The following MYCBP2 variants were observed in gnomAD, a reference collection of about 807,000 sequenced individuals.
MYCBP2 encodes the protein E3 ubiquitin-protein ligase MYCBP2.
A neutral mutation model predicts 525.3 loss-of-function variants in MYCBP2; 120 were observed. That is an observed-to-expected ratio of 0.23 (90% confidence interval 0.20 to 0.27). MYCBP2 has a LOEUF of 0.27. Ranked by LOEUF, MYCBP2 falls within the 10% of genes least tolerant of loss-of-function variation. The probability of loss-of-function intolerance (pLI) is 1.00; values close to 1 mark genes in which losing one functional copy is unlikely to be tolerated. For synonymous variants in MYCBP2, 1,894 were observed against 1,955.8 expected, an observed-to-expected ratio of 0.97 and a Z score of 0.83; for missense variants, 4,149 against 5,657.1, an observed-to-expected ratio of 0.73 and a Z score of 8.55.
intron 17 of MYCBP2, among the ~76,000 whole-genome samples, chr13:77,234,670 T>C (rs2067628014): frequency 6.6e-6 from 1 of 151,908 alleles, no homozygotes; most frequent in Non-Finnish European, 1.5e-5. Context: ...GTAAACTGAG[T>C]TCCATTTCTA....
At position 77,078,870 on chromosome 13, in the gene MYCBP2, G is replaced by T. The variant is rs2042802601; in HGVS notation, c.11438C>A (p.Thr3813Asn). 3 of 1,613,340 alleles carry T rather than the reference G, an allele frequency of 1.9e-6. No individual in the cohort carries two copies. The highest frequency in any genetic ancestry group is 1.7e-6 in the Non-Finnish European group (2 of 1,179,470). ...RDLGNKVTSM[T>N]FLTGKAVEDL... ...TTCTACTGCTTTGCCAGTTAAGAAG[G>T]TCATTGAGGTAACTTTATTCTGAAA... The change falls in exon 66 of 83, where the codon ACC becomes AAC. Residue 3813 changes from threonine (T) to asparagine (N), a missense_variant. Coordinates refer to ENST00000544440, the MANE Select transcript of MYCBP2 (RefSeq NM_015057.5).
chr13:77,299,495 G>C (rs967095051), intron 1 of MYCBP2, among the ~76,000 whole-genome samples: 5 of 152,088 alleles, frequency 3.3e-5, no homozygotes, highest in East Asian at 1.9e-4. Context: ...TTTTCTAAAA[G>C]AGCCAGTAAT....
chr13:77,082,065 G>T, intron 63 of MYCBP2, 72 bp from the exon 64 acceptor site: 1 of 1,294,214 alleles, frequency 7.7e-7, no homozygotes. Flanking sequence ...TCTTAGATGA[G>T]TACTCTGTAG....
chr13:77,192,579 A>T (rs996187080), intron 27 of MYCBP2, among the ~76,000 whole-genome samples: 2 of 152,200 alleles, frequency 1.3e-5, no homozygotes, highest in Non-Finnish European at 2.9e-5. Flanking sequence ...GTCATGAAAA[A>T]ATCTGTAGAG....
In MYCBP2 at chr13:77,096,349, T is replaced by G. The variant is rs374161549; in HGVS notation, c.9917A>C (p.Lys3306Thr). Residue 3306 changes from lysine (K) to threonine (T), a missense_variant, in exon 57 of 83, where the codon AAA becomes ACA. Physicochemically the swap from Lys to Thr is moderately conservative, Grantham distance 78. Transcript: ENST00000544440. ...WYLVCDRCREKYLREKQAAAR... is the reference protein window; with the variant it reads ...WYLVCDRCRETYLREKQAAAR... ...AGCAGCCTGTTTTTCGCGGAGGTAT[T>G]TTTCTCTACAGCGATCACATACCAG... The G allele has an allele frequency of 3.0e-5, 48 of 1,613,238 alleles. No individual in the cohort carries two copies. The highest frequency in any genetic ancestry group is 3.9e-5 in the Non-Finnish European group (46 of 1,179,538).
intron 18 of MYCBP2, among the ~76,000 whole-genome samples, chr13:77,231,576 T>C (rs1298226356): frequency 6.6e-6 from 1 of 152,226 alleles, no homozygotes; most frequent in Non-Finnish European, 1.5e-5. Context: ...CCAATCATTA[T>C]GTGACATTGG....
intron 21 of MYCBP2, among the ~76,000 whole-genome samples, chr13:77,217,232 T>A (rs900842282): frequency 6.6e-6 from 1 of 152,192 alleles, no homozygotes; most frequent in African/African-American, 2.4e-5. Context: ...ATTATCCACA[T>A]CTGAAATGGT....
chr13:77,315,894 C>CAAAAA (rs34819956), intron 1 of MYCBP2, among the ~76,000 whole-genome samples: 1 of 94,272 alleles, frequency 1.1e-5, no homozygotes, highest in Non-Finnish European at 2.2e-5. Flanking sequence ...GGCTCTGTCT[C>CAAAAA]AAAAAAAAAA....
chr13:77,138,588 T>C (rs536865936), intron 52 of MYCBP2, among the ~76,000 whole-genome samples: 1 of 152,334 alleles, frequency 6.6e-6, no homozygotes, highest in South Asian at 2.1e-4. Context: ...GTGTGGGTTA[T>C]TATTATACTT....
At chr13:77,322,832 ATTTC>A (rs769868457) in intron 1 of MYCBP2, among the ~76,000 whole-genome samples, 41 of 152,092 alleles carry the variant, frequency 2.7e-4, no homozygotes, top group Non-Finnish European at 1.5e-4. Flanking sequence ...TCCTTCATAC[ATTTC>A]CTGTCCAACC....
At chr13:77,236,541 A>G (rs1236420723) in intron 17 of MYCBP2, among the ~76,000 whole-genome samples, 1 of 152,248 alleles carries the variant, frequency 6.6e-6, no homozygotes, top group Non-Finnish European at 1.5e-5. Flanking sequence ...GGTGTTTACT[A>G]CAACTTTATT....
Position 77,273,499 on chromosome 13 carries a change from A to G in MYCBP2, c.918T>C (p.Asn306=), listed in dbSNP as rs1304778040. 2.5e-6 allele frequency: 4 copies of G among 1,594,220 alleles called. No homozygotes were observed. Among genetic ancestry groups the G allele is most frequent in the Non-Finnish European group, 3.4e-6 (4 of 1,174,598 alleles). Residue 306 remains asparagine (N), a synonymous_variant, in exon 5 of 83, where the codon AAT becomes AAC. Transcript: ENST00000544440. ...LQAISAILTN[N]GSHACQTIQV... ...GAATAGTTTGGCAAGCATGGCTTCC[A>G]TTGTTGGTGAGGATAGCAGAGATGG...
At position 77,169,645 on chromosome 13, in the gene MYCBP2, T is replaced by C. The variant is rs2058942685; in HGVS notation, c.5864A>G (p.Tyr1955Cys). Residue 1955 changes from tyrosine to cysteine, a missense_variant, in exon 39 of 83, where the codon TAC becomes TGC. Physicochemically the swap from Tyr to Cys is radical, Grantham distance 194. Coordinates refer to ENST00000544440, the MANE Select transcript of MYCBP2 (RefSeq NM_015057.5). ...AATAGCAGCAGCTACTGGTCCTATGTAGGCTATAATAAGGGGGAGCAGCAT... is the reference window on the plus strand; with the variant it reads ...AATAGCAGCAGCTACTGGTCCTATGCAGGCTATAATAAGGGGGAGCAGCAT... Reference protein sequence around the residue: ...FSMLLPLIIAYIGPVAAAIPK... With the variant: ...FSMLLPLIIACIGPVAAAIPK... 1 of 1,613,892 alleles carries C rather than the reference T, an allele frequency of 6.2e-7. No homozygotes were observed. The highest frequency in any genetic ancestry group is 8.5e-7 in the Non-Finnish European group (1 of 1,179,896).
intron 47 of MYCBP2, among the ~76,000 whole-genome samples, chr13:77,147,710 T>C (rs975840781): frequency 3.3e-5 from 5 of 152,150 alleles, no homozygotes; most frequent in African/African-American, 1.2e-4. Context: ...GTTTCTAGAC[T>C]TTCAGTACAA....
chr13:77,057,229 C>T, intron 78 of MYCBP2, 136 bp from the exon 79 acceptor site: 1 of 595,310 alleles, frequency 1.7e-6, no homozygotes, highest in Non-Finnish European at 2.9e-6. Flanking sequence ...AATGAAAATT[C>T]ATTGGGACAC....
At chr13:77,286,876 T>C (rs1455858015) in intron 3 of MYCBP2, among the ~76,000 whole-genome samples, 1 of 128,770 alleles carries the variant, frequency 7.8e-6, no homozygotes, top group Non-Finnish European at 1.6e-5. Flanking sequence ...CTGAGAGTAG[T>C]TCTATAATAC....
intron 62 of MYCBP2, among the ~76,000 whole-genome samples, chr13:77,084,598 G>A (rs1167833089): frequency 6.6e-6 from 1 of 152,030 alleles, no homozygotes; most frequent in Non-Finnish European, 1.5e-5. Flanking sequence ...TACTCCTAAG[G>A]CATGGTCTGT....
In MYCBP2 at chr13:77,139,326, T is replaced by C. The variant is rs769426939; in HGVS notation, c.7529A>G (p.Asp2510Gly). 6.2e-7 allele frequency: 1 copy of C among 1,612,444 alleles called. No individual in the cohort carries two copies. ...ATTCAGCCTCAGCCACACACCATCATCATTATGGATCTATAGAAAAAAGCA... is the reference window on the plus strand; with the variant it reads ...ATTCAGCCTCAGCCACACACCATCACCATTATGGATCTATAGAAAAAAGCA... The part of the protein sequence containing the change: ...TITFIDEIHN[D>G]DGVWLRLNDE... The change falls in exon 52 of 83, where the codon GAT becomes GGT. Residue 2510 changes from aspartate to glycine, a missense_variant. Asp to Gly is a moderately conservative substitution (Grantham distance 94, BLOSUM62 -1). This residue lies in a region of MYCBP2 where 692 missense variants were observed against 852.7 expected (regional missense o/e 0.81). Transcript: ENST00000544440.
At position 77,066,367 on chromosome 13, in the gene MYCBP2, G is replaced by A. The variant is rs559533677; in HGVS notation, c.12456-279C>T. ...AGGGACCACACACGACTTATTTCTA[G>A]GGCACATGCGGATAATGTGGAGCTT... On this transcript the variant is annotated intron_variant, in intron 71 of 82. Coordinates refer to ENST00000544440, the MANE Select transcript of MYCBP2 (RefSeq NM_015057.5). Among the ~76,000 whole-genome samples, 14 of 152,272 alleles carry A rather than the reference G, an allele frequency of 9.2e-5. No individual in the cohort carries two copies. The South Asian group carries it at 2.9e-3, about 32-fold the overall frequency.
Sources: allele counts gnomAD v4.1 joint callset (sites outside exome capture counted in the v4.1 genomes callset), GRCh38; gene constraint gnomAD v4.1.1; regional missense constraint gnomAD v4.1.1; transcripts MANE v1.5; gene names NCBI Gene and HGNC (gene_info 2026-07-23, HGNC 2026-07-21).